Variants in UXS1 observed in about 807,000 individuals in gnomAD.
UXS1 encodes the protein UDP-glucuronic acid decarboxylase 1.
Under a neutral mutation model 62.6 loss-of-function variants are expected in UXS1, and 33 were observed. The observed-to-expected ratio is 0.53, with a 90% CI of 0.40 to 0.70. The LOEUF (loss-of-function observed/expected upper bound fraction) is 0.70. Ranked by LOEUF, UXS1 falls within the 30% of genes least tolerant of loss-of-function variation. UXS1 has a pLI of 0.00. For synonymous variants in UXS1, 213 were observed against 206.8 expected (o/e 1.03, Z -0.26); for missense variants, 434 against 556.3 (o/e 0.78, Z 2.21).
chr2:106,112,309 G>A (rs147518597), intron 10 of UXS1, among the ~76,000 whole-genome samples: 85 of 152,326 alleles, frequency 5.6e-4, no homozygotes, highest in Non-Finnish European at 6.8e-4. Flanking sequence ...TCAGCCATCC[G>A]AGGACACCCA....
chr2:106,093,856 G>A lies in UXS1; in HGVS notation c.*170C>T. 1.1e-6 allele frequency: 1 copy of A among 915,942 alleles called. No individual in the cohort carries two copies. Among genetic ancestry groups the A allele is most frequent in the Admixed American group, 3.9e-5 (1 of 25,566 alleles). The allele number at this position is 915,942 out of a possible 1,614,324, so 56.7% of individuals were successfully genotyped here. On this transcript the variant is annotated 3_prime_UTR_variant, in exon 15 of 15. Transcript: ENST00000283148. ...TGCAAGGCAAAATCTGCAGTTTTTT[G>A]AGGGGAGCTTTTAGGCACATCCATT...
chr2:106,186,132 G>A (rs192675691), intron 1 of UXS1, among the ~76,000 whole-genome samples: 36 of 152,148 alleles, frequency 2.4e-4, no homozygotes, highest in Middle Eastern at 3.4e-3. Context: ...CAGAAAAATC[G>A]GTCCAGGCAA....
At chr2:106,145,473 A>G (rs1170288893) in intron 5 of UXS1, 103 bp from the exon 6 acceptor site, 2 of 1,404,168 alleles carry the variant, frequency 1.4e-6, no homozygotes, top group Non-Finnish European at 1.9e-6. Flanking sequence ...CCACGACTTA[A>G]AACTCAGGAG....
At chr2:106,163,836 T>G (rs779815741) in intron 3 of UXS1, 126 bp from the exon 4 acceptor site, 3 of 519,942 alleles carry the variant, frequency 5.8e-6, no homozygotes, top group Admixed American at 8.9e-5. Flanking sequence ...AACTTCCAGT[T>G]TGAAATTAAG....
At position 106,127,841 on chromosome 2, in the gene UXS1, A is replaced by G. The variant is rs560071530; in HGVS notation, c.577+1833T>C. Among the ~76,000 whole-genome samples, 203 of 152,230 alleles carry G rather than the reference A, an allele frequency of 1.3e-3. 1 individual carries two copies. The highest frequency in any genetic ancestry group is 2.4e-3 in the Non-Finnish European group (160 of 68,004). On this transcript the variant is annotated intron_variant, in intron 7 of 14. Coordinates refer to ENST00000283148, the MANE Select transcript of UXS1 (RefSeq NM_001253875.2). ...CATTCCTGCAAGGCCTCCACATTCA[A>G]TCTCAGTCATAGCTCAAGCCCTAGC...
chr2:106,100,992 C>T lies in UXS1; in HGVS notation c.984+66G>A, dbSNP rs769088209. The T allele has an allele frequency of 1.8e-5, 29 of 1,590,762 alleles. No homozygotes were observed. The East Asian group carries it at 3.8e-4, about 21-fold the overall frequency. On this transcript the variant is annotated intron_variant, in intron 12 of 14. Coordinates refer to ENST00000283148, the MANE Select transcript of UXS1 (RefSeq NM_001253875.2). ...GCAAATGAAGCAAAGCCTGGTGCTGCTCATGGTTTCACAAATGAACGAAAG... is the reference window on the plus strand; with the variant it reads ...GCAAATGAAGCAAAGCCTGGTGCTGTTCATGGTTTCACAAATGAACGAAAG...
At chr2:106,096,002 C>A (rs1159128019) in intron 14 of UXS1, among the ~76,000 whole-genome samples, 4 of 152,356 alleles carry the variant, frequency 2.6e-5, no homozygotes, top group African/African-American at 7.2e-5. Context: ...GGAAGGCATG[C>A]AGTTCCCCTT....
chr2:106,178,256 G>A (rs575040936), intron 1 of UXS1, among the ~76,000 whole-genome samples: 3 of 152,096 alleles, frequency 2.0e-5, no homozygotes, highest in African/African-American at 4.8e-5. Context: ...GTCTTTACAC[G>A]GTTTGTCCAA....
intron 6 of UXS1, among the ~76,000 whole-genome samples, chr2:106,142,698 G>A (rs1374022750): frequency 6.6e-6 from 1 of 152,164 alleles, no homozygotes. Flanking sequence ...GCAGCAAGGG[G>A]GAAATTATCA....
intron 9 of UXS1, among the ~76,000 whole-genome samples, chr2:106,120,289 C>A (rs370405143): frequency 1.1e-4 from 16 of 152,204 alleles, no homozygotes; most frequent in African/African-American, 3.6e-4. Context: ...TGCTCTTAGT[C>A]ACGTCATTCC....
At position 106,129,768 on chromosome 2, in the gene UXS1, T is replaced by C; in HGVS notation, c.483A>G (p.Ile161Met). 6.2e-7 allele frequency: 1 copy of C among 1,605,550 alleles called. No homozygotes were observed. Residue 161 changes from isoleucine to methionine, a missense_variant, in exon 7 of 15, where the codon ATA (isoleucine) becomes ATG (methionine). Physicochemically the swap from Ile to Met is conservative, Grantham distance 10. Coordinates refer to ENST00000283148, the MANE Select transcript of UXS1 (RefSeq NM_001253875.2). ...VEPLYIEVDQ[I>M]YHLASPASPP... ...GGGAGGCTGGAGATGCCAGATGGTA[T>C]ATCTGGTCAACTAAAGGAGACAAAA...
At chr2:106,113,522 T>C (rs1381169529) in intron 9 of UXS1, among the ~76,000 whole-genome samples, 1 of 152,208 alleles carries the variant, frequency 6.6e-6, no homozygotes, top group African/African-American at 2.4e-5. Flanking sequence ...TGTTTTCAAA[T>C]ATGCAATCAT....
chr2:106,100,338 G>T (rs756079123), intron 12 of UXS1, among the ~76,000 whole-genome samples: 1 of 152,188 alleles, frequency 6.6e-6, no homozygotes, highest in South Asian at 2.1e-4. Context: ...GGCAGCTTAG[G>T]GGGTAGGACC....
chr2:106,174,028 G>A (rs1352362137), intron 1 of UXS1, among the ~76,000 whole-genome samples: 9 of 146,832 alleles, frequency 6.1e-5, no homozygotes, highest in African/African-American at 1.7e-4. Context: ...GGGGAGTAGC[G>A]TGAAGATGGC....
intron 9 of UXS1, among the ~76,000 whole-genome samples, chr2:106,113,635 C>T (rs1328904872): frequency 6.6e-6 from 1 of 152,218 alleles, no homozygotes; most frequent in Non-Finnish European, 1.5e-5. Context: ...ATGTTTTTAT[C>T]ACAAACTCTG....
chr2:106,105,117 C>T (rs921179996), intron 10 of UXS1, among the ~76,000 whole-genome samples: 20 of 152,154 alleles, frequency 1.3e-4, no homozygotes, highest in African/African-American at 4.3e-4. Flanking sequence ...TGGAGTCTTA[C>T]GATGTGTCAG....
chr2:106,093,959 A>G lies in UXS1; in HGVS notation c.*67T>C. On this transcript the variant is annotated 3_prime_UTR_variant, in exon 15 of 15. Transcript: ENST00000283148. ...TTAAAGTCTTTCTTTAAACGACAAC[A>G]AAAAAAAGCCAAAAATACATCCCAT... The G allele has an allele frequency of 6.9e-7, 1 of 1,451,866 alleles. No individual in the cohort carries two copies. The highest frequency in any genetic ancestry group is 9.1e-7 in the Non-Finnish European group (1 of 1,101,550). The allele number at this position is 1,451,866 out of a possible 1,614,324, so 89.9% of individuals were successfully genotyped here.
intron 8 of UXS1, among the ~76,000 whole-genome samples, chr2:106,124,682 C>A (rs1471977604): frequency 6.6e-6 from 1 of 152,106 alleles, no homozygotes; most frequent in African/African-American, 2.4e-5. Flanking sequence ...TGTCACTGTT[C>A]CCCTCTGGAC....
In UXS1 at chr2:106,158,503, T is replaced by C. The variant is rs145859866; in HGVS notation, c.231-385A>G. ...TTGTAATAATGAGAGAAATCTAATA[T>C]GACTGGCTCCATCTAACCTCACAGG... On this transcript the variant is annotated intron_variant, in intron 4 of 14. Transcript: ENST00000283148. Among the ~76,000 whole-genome samples the C allele has an allele frequency of 1.6e-4, 24 of 152,348 alleles. No individual in the cohort carries two copies. The East Asian group carries it at 2.7e-3, about 17-fold the overall frequency.
Sources: allele counts gnomAD v4.1 joint callset (sites outside exome capture counted in the v4.1 genomes callset), GRCh38; gene constraint gnomAD v4.1.1; transcripts MANE v1.5; gene names NCBI Gene and HGNC (gene_info 2026-07-23, HGNC 2026-07-21).